The following IARS1 variants were observed in gnomAD, a reference collection of about 807,000 sequenced individuals.
The protein encoded by IARS1 is isoleucyl-tRNA synthetase 1, also known as isoleucine--tRNA ligase, cytoplasmic.
IARS1 carries 124 observed loss-of-function variants against 168.2 expected under a neutral mutation model. The observed-to-expected ratio is 0.74, with a 90% CI of 0.64 to 0.86. The LOEUF is 0.86. IARS1 is among the 40% of genes least tolerant of loss of function. The pLI is 0.00. For synonymous variants in IARS1, 532 were observed against 529.4 expected (o/e 1.00, Z -0.07); for missense variants, 1,452 against 1,515.8 (o/e 0.96, Z 0.70).
intron 26 of IARS1, among the ~76,000 whole-genome samples, chr9:92,245,901 G>C (rs1006869161): frequency 6.6e-6 from 1 of 151,948 alleles, no homozygotes. Flanking sequence ...TGAGTAGCTG[G>C]AACTACAGGC....
chr9:92,221,817 A>AT (rs576725643), intron 33 of IARS1, among the ~76,000 whole-genome samples: 4 of 152,226 alleles, frequency 2.6e-5, no homozygotes, highest in Admixed American at 6.5e-5. Flanking sequence ...CATGTTTTAT[A>AT]AACTGTAAAG....
chr9:92,243,003 A>G (rs1052898453), intron 28 of IARS1: 16 of 463,366 alleles, frequency 3.5e-5, no homozygotes, highest in African/African-American at 2.8e-4. Flanking sequence ...GGGAAAAGGC[A>G]CAGGCTGGCT....
chr9:92,267,660 A>G (rs982075422), intron 14 of IARS1, among the ~76,000 whole-genome samples: 4 of 152,194 alleles, frequency 2.6e-5, no homozygotes, highest in African/African-American at 9.7e-5. Context: ...CACCCGGCCT[A>G]AAGTCAGTTA....
chr9:92,252,007 A>T (rs1830070579), intron 21 of IARS1, 122 bp from the exon 22 acceptor site: 8 of 749,442 alleles, frequency 1.1e-5, no homozygotes, highest in Non-Finnish European at 1.8e-5. Context: ...AAGACATGAG[A>T]CAGAGAAAGG....
chr9:92,235,748 A>G (rs930282923), intron 30 of IARS1, among the ~76,000 whole-genome samples: 2 of 151,774 alleles, frequency 1.3e-5, no homozygotes, highest in African/African-American at 2.4e-5. Context: ...GCTGGTCTTG[A>G]ACTCCTGACC....
intron 16 of IARS1, among the ~76,000 whole-genome samples, chr9:92,263,572 G>A (rs940354726): frequency 6.6e-6 from 1 of 152,198 alleles, no homozygotes; most frequent in Non-Finnish European, 1.5e-5. Context: ...TGTCCTGGGG[G>A]TGATGCTTTC....
intron 33 of IARS1, among the ~76,000 whole-genome samples, chr9:92,213,845 C>T (rs1246187856): frequency 6.6e-6 from 1 of 152,032 alleles, no homozygotes; most frequent in African/African-American, 2.4e-5. Flanking sequence ...GAGTTTAACT[C>T]TTGTCGCCCA....
chr9:92,220,564 C>A (rs550803502), intron 33 of IARS1, among the ~76,000 whole-genome samples: 2 of 152,170 alleles, frequency 1.3e-5, no homozygotes, highest in South Asian at 4.1e-4. Context: ...TTGCAACGAG[C>A]TGGGATATCG....
intron 20 of IARS1, among the ~76,000 whole-genome samples, chr9:92,254,933 C>T (rs1587810010): frequency 1.3e-5 from 2 of 152,332 alleles, no homozygotes; most frequent in African/African-American, 2.4e-5. Context: ...TGCGCATCTC[C>T]AGACCCAGCT....
intron 31 of IARS1, among the ~76,000 whole-genome samples, chr9:92,227,349 G>A (rs1825867060): frequency 6.6e-6 from 1 of 151,618 alleles, no homozygotes; most frequent in Non-Finnish European, 1.5e-5. Flanking sequence ...TGGTGGCCGG[G>A]CAGAGGTGCT....
chr9:92,285,089 A>G (rs1314701372), intron 6 of IARS1, among the ~76,000 whole-genome samples: 1 of 152,238 alleles, frequency 6.6e-6, no homozygotes, highest in Non-Finnish European at 1.5e-5. Context: ...ACAAGTCAAC[A>G]TCCTTTAAAA....
At chr9:92,275,984 C>G (rs1833721947) in intron 9 of IARS1, among the ~76,000 whole-genome samples, 1 of 152,176 alleles carries the variant, frequency 6.6e-6, no homozygotes, top group East Asian at 1.9e-4. Flanking sequence ...TCTAGTGTAT[C>G]CATGTGCATT....
intron 30 of IARS1, among the ~76,000 whole-genome samples, chr9:92,237,960 T>C (rs1408531552): frequency 6.6e-6 from 1 of 152,066 alleles, no homozygotes; most frequent in African/African-American, 2.4e-5. Context: ...GTATAGAGTA[T>C]AGGAGCGTGA....
At chr9:92,251,785 T>C (rs1174737330) in intron 22 of IARS1, 23 bp downstream of exon 22, 2 of 1,594,958 alleles carry the variant, frequency 1.3e-6, no homozygotes, top group Non-Finnish European at 1.7e-6. Context: ...CAAAGGGTAC[T>C]AGAAAGAAGC....
chr9:92,271,842 T>C (rs572747253), intron 10 of IARS1, among the ~76,000 whole-genome samples, 187 bp from the exon 11 acceptor site: 1 of 152,286 alleles, frequency 6.6e-6, no homozygotes, highest in East Asian at 1.9e-4. Context: ...AGGGGTTAGG[T>C]CACCCAGTCT....
intron 2 of IARS1, 59 bp downstream of exon 2, chr9:92,289,242 G>T: frequency 4.6e-6 from 3 of 648,432 alleles, no homozygotes; most frequent in Non-Finnish European, 8.4e-6. Context: ...CTGCTTTAAT[G>T]GAATTCAGTC....
At position 92,277,210 on chromosome 9, in the gene IARS1, C is replaced by T. The variant is rs1374780510; in HGVS notation, c.894+653G>A. Among the ~76,000 whole-genome samples, 8 of 152,188 alleles carry T rather than the reference C, an allele frequency of 5.3e-5. 1 individual carries two copies. The South Asian group carries it at 8.3e-4, about 16-fold the overall frequency. On this transcript the variant is annotated intron_variant, in intron 9 of 33. Coordinates refer to ENST00000443024, the MANE Select transcript of IARS1 (RefSeq NM_002161.6). The stretch of plus-strand genomic sequence containing the variant: ...TAAAAAATCCCAGCTTGGCCAGGCA[C>T]GGTGGCTCACAAGGTCAGGAGTTCA...
rs1164394065 is a variant in IARS1 at position 92,210,324 on chromosome 9, A to T, written c.*483T>A. 6.6e-6 allele frequency: 1 copy of T among 152,582 alleles called. No individual in the cohort carries two copies. The highest frequency in any genetic ancestry group is 1.5e-5 in the Non-Finnish European group (1 of 68,324). 9.5% of individuals were successfully genotyped at this position (152,582 alleles called of 1,614,324 possible). ...AGTTTCATTTATCTATGGGAGAATG[A>T]ATTACTTTCAACACATTTATATCTG... On this transcript the variant is annotated 3_prime_UTR_variant, in exon 34 of 34. Transcript: ENST00000443024.
chr9:92,210,856 T>G lies in IARS1; in HGVS notation c.3740A>C (p.Asn1247Thr), dbSNP rs1837625273. 1 of 1,610,576 alleles carries G rather than the reference T, an allele frequency of 6.2e-7. No individual in the cohort carries two copies. Among genetic ancestry groups the G allele is most frequent in the Non-Finnish European group, 8.5e-7 (1 of 1,176,750 alleles). Residue 1247 changes from asparagine to threonine, a missense_variant, in exon 34 of 34, where the codon AAT becomes ACT. Asn to Thr is a moderately conservative substitution (Grantham distance 65). Transcript: ENST00000443024. ...ITEDIPVKTL[N>T]MKTVYVSVLP... Reference sequence around the variant, plus strand: ...CACAGAAACATACACAGTCTTCATATTCAAAGTCTTCACGGGGATGTCTTC... The same window carrying G: ...CACAGAAACATACACAGTCTTCATAGTCAAAGTCTTCACGGGGATGTCTTC...
Sources: allele counts gnomAD v4.1 joint callset (sites outside exome capture counted in the v4.1 genomes callset), GRCh38; gene constraint gnomAD v4.1.1; transcripts MANE v1.5; gene names NCBI Gene and HGNC (gene_info 2026-07-23, HGNC 2026-07-21).